The following SCN4A variants were observed in gnomAD, a reference collection of about 807,000 sequenced individuals.
The protein encoded by SCN4A is sodium channel protein type 4 subunit alpha.
Under a neutral mutation model 162.0 loss-of-function variants are expected in SCN4A, and 83 were observed. The observed-to-expected ratio is 0.51, with a 90% confidence interval of 0.43 to 0.61. The LOEUF (loss-of-function observed/expected upper bound fraction) is 0.61, where lower values mean the gene tolerates loss of function less well. Among genes scored for constraint, SCN4A ranks in the 20% least tolerant of loss-of-function variants. SCN4A has a pLI of 0.00. For synonymous variants in SCN4A, 944 were observed against 985.1 expected, an observed-to-expected ratio of 0.96 and a Z score of 0.78; for missense variants, 2,196 against 2,462.5, an observed-to-expected ratio of 0.89 and a Z score of 2.29.
intron 23 of SCN4A, 147 bp from the exon 24 acceptor site, chr17:63,942,140 G>C: frequency 1.3e-6 from 1 of 780,668 alleles, no homozygotes; most frequent in South Asian, 2.0e-5. Flanking sequence ...GTGAGGCTGG[G>C]CTCTCCCACG....
At chr17:63,965,241 G>A (rs1336379069) in intron 8 of SCN4A, among the ~76,000 whole-genome samples, 2 of 152,056 alleles carry the variant, frequency 1.3e-5, no homozygotes, top group African/African-American at 2.4e-5. Context: ...GATGGGTTTC[G>A]CCATGCTGGC....
At position 63,961,328 on chromosome 17, in the gene SCN4A, G is replaced by C; in HGVS notation, c.1710C>G (p.Ile570Met). 1 of 1,613,912 alleles carries C rather than the reference G, an allele frequency of 6.2e-7. No individual in the cohort carries two copies. Among genetic ancestry groups the C allele is most frequent in the Non-Finnish European group, 8.5e-7 (1 of 1,179,840 alleles). ...ACGGGTCCATGACGATCAGGTGGATGATGTTCTTGAACTTCAGCCACGGGG... is the reference window on the plus strand; with the variant it reads ...ACGGGTCCATGACGATCAGGTGGATCATGTTCTTGAACTTCAGCCACGGGG... ...CCAPWLKFKN[I>M]IHLIVMDPFV... Residue 570 changes from isoleucine to methionine, a missense_variant, in exon 11 of 24, where the codon ATC becomes ATG. Coordinates refer to ENST00000435607, the MANE Select transcript of SCN4A (RefSeq NM_000334.4).
chr17:63,942,828 A>G lies in SCN4A; in HGVS notation c.4286T>C (p.Val1429Ala), dbSNP rs1267823304. The G allele has an allele frequency of 6.2e-7, 1 of 1,613,538 alleles. No homozygotes were observed. The highest frequency in any genetic ancestry group is 8.5e-7 in the Non-Finnish European group (1 of 1,179,466). ...CCGGTCCAGCCCGCCCCGCTCACCC[A>G]CAATGGACAGGATGACGACCACGAA... ...FDFVVVILSIVGLALSDLIQK... is the reference protein window; with the variant it reads ...FDFVVVILSIAGLALSDLIQK... The change falls in exon 23 of 24, where the codon GTG becomes GCG. Residue 1429 changes from valine to alanine, a missense_variant and splice_region_variant. Physicochemically the swap from Val to Ala is moderately conservative, Grantham distance 64. Transcript: ENST00000435607.
chr17:63,954,818 C>T (rs1205133934), intron 13 of SCN4A, among the ~76,000 whole-genome samples: 2 of 152,078 alleles, frequency 1.3e-5, no homozygotes, highest in Non-Finnish European at 1.5e-5. Context: ...GTGGTGTGTT[C>T]GTGTGTGCAT....
At chr17:63,952,641 A>G (rs977509960) in intron 13 of SCN4A, among the ~76,000 whole-genome samples, 22 of 152,132 alleles carry the variant, frequency 1.4e-4, no homozygotes, top group Non-Finnish European at 2.9e-4. Flanking sequence ...CTACTCTGGA[A>G]GGGACATCTG....
At chr17:63,948,983 G>A (rs1397643840) in intron 15 of SCN4A, among the ~76,000 whole-genome samples, 2 of 152,310 alleles carry the variant, frequency 1.3e-5, no homozygotes, top group Non-Finnish European at 2.9e-5. Flanking sequence ...AATGGCTGCT[G>A]GGGATGGGCA....
Position 63,943,737 on chromosome 17 carries a change from G to T in SCN4A, c.4017+9C>A, listed in dbSNP as rs752698025. Reference sequence around the variant, plus strand: ...GCACACACAGGACAGGGGGCCCAGAGGTCTGTACCTGGGGCCGGGGAATTG... The same window carrying T: ...GCACACACAGGACAGGGGGCCCAGATGTCTGTACCTGGGGCCGGGGAATTG... On this transcript the variant is annotated intron_variant, in intron 22 of 23. Transcript: ENST00000435607. 6.4e-7 allele frequency: 1 copy of T among 1,571,636 alleles called. No individual in the cohort carries two copies. The highest frequency in any genetic ancestry group is 8.8e-7 in the Non-Finnish European group (1 of 1,141,754).
intron 10 of SCN4A, among the ~76,000 whole-genome samples, chr17:63,962,969 C>A (rs1008097385): frequency 1.4e-4 from 22 of 152,172 alleles, no homozygotes; most frequent in African/African-American, 5.1e-4. Flanking sequence ...ACAAGGCAAG[C>A]CGACCTGGGG....
rs1398520652 is a variant in SCN4A, at chr17:63,940,893, C to T, written c.5389G>A (p.Glu1797Lys). ...ATAGTGGGTCCGGCGTCCCCTGCCT[C>T]GCCCTTCTCCTCCGGGCTTGGCGAG... Reference protein sequence around the residue: ...SSSPSPEEKGEAGDAGPTMGL... With the variant: ...SSSPSPEEKGKAGDAGPTMGL... The change falls in exon 24 of 24, where the codon GAG becomes AAG. Residue 1797 changes from glutamate to lysine, a missense_variant. Transcript: ENST00000435607. 4.3e-6 allele frequency: 7 copies of T among 1,613,800 alleles called. No individual in the cohort carries two copies. The highest frequency in any genetic ancestry group is 2.2e-5 in the South Asian group (2 of 91,088).
intron 12 of SCN4A, 92 bp downstream of exon 12, chr17:63,959,173 C>T: frequency 1.7e-6 from 2 of 1,190,056 alleles, no homozygotes; most frequent in Admixed American, 4.6e-5. Context: ...CCTCTAGCTT[C>T]CTGGGGTTTC....
At chr17:63,949,760 T>G in intron 14 of SCN4A, 2 of 435,084 alleles carry the variant, frequency 4.6e-6, no homozygotes, top group South Asian at 4.0e-5. Context: ...GGCTGATGCC[T>G]GGGAAGGGAC....
chr17:63,945,564 C>A lies in SCN4A; in HGVS notation c.3516G>T (p.Leu1172=), dbSNP rs200061238. 2 of 1,614,004 alleles carry A rather than the reference C, an allele frequency of 1.2e-6. No individual in the cohort carries two copies. The highest frequency in any genetic ancestry group is 1.7e-6 in the Non-Finnish European group (2 of 1,179,912). The change falls in exon 19 of 24, where the codon CTG becomes CTT. Residue 1172 remains leucine (L), a synonymous_variant. Transcript: ENST00000435607. The surrounding 1 kb of genome is among the most constrained non-coding windows in gnomAD (Gnocchi z 4.4). ...NVLLVCLIFW[L]IFSIMGVNLF... ...GGTTGACACCCATGATGCTGAAGATCAGCCAGAAGATGAGGCAGACAAGCA... is the reference window on the plus strand; with the variant it reads ...GGTTGACACCCATGATGCTGAAGATAAGCCAGAAGATGAGGCAGACAAGCA...
At chr17:63,961,634 T>A in intron 10 of SCN4A, 2 of 506,252 alleles carry the variant, frequency 4.0e-6, no homozygotes, top group Admixed American at 6.4e-5. Context: ...CCCACATGGC[T>A]TCACCCCAAA....
At chr17:63,953,086 C>T (rs372537532) in intron 13 of SCN4A, among the ~76,000 whole-genome samples, 4 of 152,202 alleles carry the variant, frequency 2.6e-5, no homozygotes, top group East Asian at 3.8e-4. Context: ...AAAGCCCAGG[C>T]GCAGTGGCTC....
At chr17:63,942,100 G>T in intron 23 of SCN4A, 107 bp from the exon 24 acceptor site, 1 of 1,104,742 alleles carries the variant, frequency 9.1e-7, no homozygotes, top group Non-Finnish European at 1.3e-6. Flanking sequence ...CTCTGCTCAA[G>T]TCTCAGAGCA....
Position 63,948,045 on chromosome 17 carries a change from T to A in SCN4A, c.3163A>T (p.Ile1055Phe). ...GTGCGAATGACTCGCCGCTGCTCAA[T>A]GTAGATGTCCTCGAAGGCCTGGGGG... ...SGALAFEDIY[I>F]EQRRVIRTIL... The change falls in exon 17 of 24, where the codon ATT becomes TTT. Residue 1055 changes from isoleucine (I) to phenylalanine (F), a missense_variant. Transcript: ENST00000435607. The A allele has an allele frequency of 6.2e-7, 1 of 1,605,340 alleles. No homozygotes were observed. Among genetic ancestry groups the A allele is most frequent in the Non-Finnish European group, 8.5e-7 (1 of 1,173,248 alleles).
Position 63,945,139 on chromosome 17 carries a change from A to G in SCN4A, c.3721-79T>C. The G allele has an allele frequency of 1.4e-6, 2 of 1,452,258 alleles. No individual in the cohort carries two copies. The highest frequency in any genetic ancestry group is 1.9e-6 in the Non-Finnish European group (2 of 1,044,756). 90.0% of individuals were successfully genotyped at this position (1,452,258 alleles called of 1,614,324 possible). ...TCCATGAGTTTCCCTCCCCCACCCAACCTGGTCCTCCCCTGCCAGAGGCCG... is the reference window on the plus strand; with the variant it reads ...TCCATGAGTTTCCCTCCCCCACCCAGCCTGGTCCTCCCCTGCCAGAGGCCG... On this transcript the variant is annotated intron_variant, in intron 19 of 23. Coordinates refer to ENST00000435607, the MANE Select transcript of SCN4A (RefSeq NM_000334.4). This position sits in a 1 kb window ranked among gnomAD's most constrained non-coding sequence, Gnocchi z 4.4.
intron 12 of SCN4A, 29 bp downstream of exon 12, chr17:63,959,236 C>T (rs779199826): frequency 2.7e-5 from 43 of 1,591,146 alleles, no homozygotes; most frequent in Non-Finnish European, 3.5e-5. Flanking sequence ...ACCCCCATCC[C>T]AGCCCCTGGC....
intron 22 of SCN4A, 148 bp from the exon 23 acceptor site, chr17:63,943,244 G>A (rs1908604828): frequency 1.0e-6 from 1 of 972,864 alleles, no homozygotes; most frequent in African/African-American, 1.6e-5. Context: ...GAGAAAGGAG[G>A]TGTTGGGGGT....
Sources: allele counts gnomAD v4.1 joint callset (sites outside exome capture counted in the v4.1 genomes callset), GRCh38; gene constraint gnomAD v4.1.1; non-coding constraint Gnocchi (gnomAD v3.1); transcripts MANE v1.5; gene names NCBI Gene and HGNC (gene_info 2026-07-23, HGNC 2026-07-21).